IL1RAPL1: variants seen among roughly 807,000 people sequenced by gnomAD.
IL1RAPL1 encodes interleukin-1 receptor accessory protein-like 1.
IL1RAPL1 carries 3 observed loss-of-function variants against 48.4 expected under a neutral mutation model. That is an observed-to-expected ratio of 0.06 (90% CI 0.03 to 0.16). The LOEUF (loss-of-function observed/expected upper bound fraction) is 0.16, where lower values mean the gene tolerates loss of function less well. IL1RAPL1 is among the 10% of genes least tolerant of loss of function. The probability of loss-of-function intolerance (pLI) is 1.00; values close to 1 mark genes in which losing one functional copy is unlikely to be tolerated. For missense variants in IL1RAPL1, 349 were observed against 530.6 expected (o/e 0.66, Z 3.36); for synonymous variants, 185 against 187.7 (o/e 0.99, Z 0.12).
chrX:28,635,994 A>T (rs1157977625), intron 1 of IL1RAPL1, among the ~76,000 whole-genome samples: 1 of 111,979 alleles, frequency 8.9e-6, no homozygotes, highest in African/African-American at 3.2e-5. Context: ...GATTCATTTT[A>T]AAAAGCAAAC....
At chrX:28,796,140 C>T (rs941659574) in intron 2 of IL1RAPL1, among the ~76,000 whole-genome samples, 2 of 111,669 alleles carry the variant, frequency 1.8e-5, no homozygotes, top group Admixed American at 1.9e-4. Flanking sequence ...GAAAGGTCTG[C>T]CCCCATAATT....
At chrX:28,604,169 A>G (rs1285034010) in intron 1 of IL1RAPL1, among the ~76,000 whole-genome samples, 2 of 111,916 alleles carry the variant, frequency 1.8e-5, no homozygotes, top group African/African-American at 3.3e-5. Context: ...CCCTATATAT[A>G]AGTATCCATT....
rs1401158548 is a variant in IL1RAPL1, at chrX:29,219,993, G to A, written c.83-62945G>A. Among the ~76,000 whole-genome samples, 3 of 110,856 alleles carry A rather than the reference G, an allele frequency of 2.7e-5. No homozygotes were observed. The Admixed American group carries it at 2.9e-4, about 11-fold the overall frequency. On this transcript the variant is annotated intron_variant, in intron 2 of 10. Coordinates refer to ENST00000378993, the MANE Select transcript of IL1RAPL1 (RefSeq NM_014271.4). Reference sequence around the variant, plus strand: ...GAAAAATTGGCAATAGGAGTCCTGTGGGAGAAGTTAAAGTTTGTAATAGTG... The same window carrying A: ...GAAAAATTGGCAATAGGAGTCCTGTAGGAGAAGTTAAAGTTTGTAATAGTG...
At chrX:28,612,204 C>T (rs191549819) in intron 1 of IL1RAPL1, among the ~76,000 whole-genome samples, 170 of 111,795 alleles carry the variant, frequency 1.5e-3, no homozygotes, top group African/African-American at 5.1e-3. Context: ...TCCTGCACTG[C>T]GAGAGGTCTC....
chrX:29,419,369 G>A (rs1934263242), intron 5 of IL1RAPL1, among the ~76,000 whole-genome samples: 1 of 109,215 alleles, frequency 9.2e-6, no homozygotes, highest in African/African-American at 3.3e-5. Flanking sequence ...CACCCAGGCT[G>A]GAGTGCAATG....
chrX:28,887,289 A>G (rs751159658), intron 2 of IL1RAPL1, among the ~76,000 whole-genome samples: 7 of 111,957 alleles, frequency 6.3e-5, no homozygotes, highest in Non-Finnish European at 1.1e-4. Context: ...CCTCCAGAAG[A>G]CAGAGTAAGA....
intron 3 of IL1RAPL1, among the ~76,000 whole-genome samples, chrX:29,342,600 C>G (rs1933098010): frequency 8.9e-6 from 1 of 112,144 alleles, no homozygotes; most frequent in Non-Finnish European, 1.9e-5. Context: ...TTTGCCCTCA[C>G]TGTCCTCAGT....
chrX:29,325,073 C>A (rs1348327881), intron 3 of IL1RAPL1, among the ~76,000 whole-genome samples: 1 of 111,741 alleles, frequency 8.9e-6, no homozygotes, highest in Non-Finnish European at 1.9e-5. Context: ...AGAAATTATT[C>A]ACTTGAACAG....
intron 2 of IL1RAPL1, among the ~76,000 whole-genome samples, chrX:28,979,441 A>G (rs1189644371): frequency 1.8e-5 from 2 of 112,078 alleles, no homozygotes; most frequent in Non-Finnish European, 3.8e-5. Context: ...TCTAAAGCTA[A>G]TTGTATCATC....
intron 2 of IL1RAPL1, among the ~76,000 whole-genome samples, chrX:28,959,669 G>C (rs1003282831): frequency 4.5e-5 from 5 of 112,017 alleles, no homozygotes; most frequent in Non-Finnish European, 9.4e-5. Context: ...TGATTTGTAA[G>C]ATGTTTATGT....
At chrX:28,954,118 A>G (rs1924541379) in intron 2 of IL1RAPL1, among the ~76,000 whole-genome samples, 1 of 111,791 alleles carries the variant, frequency 8.9e-6, no homozygotes, top group African/African-American at 3.2e-5. Flanking sequence ...CTCATAACCA[A>G]AGAAATGCAA....
chrX:29,241,471 A>G (rs1202071795), intron 2 of IL1RAPL1, among the ~76,000 whole-genome samples: 1 of 111,624 alleles, frequency 9.0e-6, no homozygotes, highest in African/African-American at 3.3e-5. Context: ...AGCTTCTGTG[A>G]TGTTATAATC....
chrX:28,984,843 T>C (rs1925428016), intron 2 of IL1RAPL1, among the ~76,000 whole-genome samples: 1 of 112,014 alleles, frequency 8.9e-6, no homozygotes, highest in Admixed American at 9.5e-5. Context: ...CACCCTTTTT[T>C]CATCCTCTAG....
intron 2 of IL1RAPL1, among the ~76,000 whole-genome samples, chrX:28,961,075 A>G (rs976958845): frequency 1.9e-5 from 2 of 108,026 alleles, no homozygotes; most frequent in Non-Finnish European, 3.8e-5. Flanking sequence ...AAATCGGGAT[A>G]AATATTGCGA....
chrX:28,732,110 C>T (rs963019496), intron 1 of IL1RAPL1, among the ~76,000 whole-genome samples: 16 of 111,492 alleles, frequency 1.4e-4, no homozygotes, highest in African/African-American at 4.9e-4. Flanking sequence ...AGCCAGACTT[C>T]GGACTAGAGG....
chrX:28,835,996 C>A (rs1291353140), intron 2 of IL1RAPL1, among the ~76,000 whole-genome samples: 1 of 110,063 alleles, frequency 9.1e-6, no homozygotes, highest in African/African-American at 3.3e-5. Flanking sequence ...AGGGAGAAAC[C>A]ATTTGTGTTA....
intron 2 of IL1RAPL1, among the ~76,000 whole-genome samples, chrX:29,065,142 T>C (rs1927427610): frequency 9.7e-6 from 1 of 103,077 alleles, no homozygotes. Flanking sequence ...TGAAGGAAAT[T>C]GCCTTTATAC....
chrX:29,725,142 A>C (rs960220831), intron 6 of IL1RAPL1, among the ~76,000 whole-genome samples: 92 of 111,369 alleles, frequency 8.3e-4, no homozygotes, highest in African/African-American at 2.9e-3. Context: ...ATTTAATCTT[A>C]AACTGATCTG....
intron 6 of IL1RAPL1, among the ~76,000 whole-genome samples, chrX:29,794,085 T>A (rs1432765991): frequency 8.9e-6 from 1 of 112,061 alleles, no homozygotes; most frequent in Non-Finnish European, 1.9e-5. Context: ...ACAACTTTAT[T>A]TTTAGTGTAA....
Sources: allele counts gnomAD v4.1 joint callset (sites outside exome capture counted in the v4.1 genomes callset), GRCh38; gene constraint gnomAD v4.1.1; transcripts MANE v1.5; gene names NCBI Gene and HGNC (gene_info 2026-07-23, HGNC 2026-07-21).